Variants in IL4R observed in about 807,000 individuals in gnomAD.
IL4R encodes interleukin-4 receptor subunit alpha.
Under a neutral mutation model 41.5 loss-of-function variants are expected in IL4R, and 17 were observed. The ratio of observed to expected loss-of-function variants is 0.41; its 90% confidence interval spans 0.28 to 0.61. The LOEUF is 0.61. Among genes scored for constraint, IL4R ranks in the 20% least tolerant of loss-of-function variants. IL4R has a pLI of 0.31. For synonymous variants in IL4R, 402 were observed against 422.9 expected (o/e 0.95, Z 0.61); for missense variants, 974 against 1,043.1 (o/e 0.93, Z 0.91).
chr16:27,348,151 C>T (rs1158797546), intron 6 of IL4R, among the ~76,000 whole-genome samples: 5 of 152,182 alleles, frequency 3.3e-5, no homozygotes, highest in East Asian at 1.9e-4. Context: ...CCAGGGGTGT[C>T]GATTTATATC....
chr16:27,313,908 T>C (rs1235657227), upstream of IL4R: 2 of 984,040 alleles, frequency 2.0e-6, no homozygotes, highest in Non-Finnish European at 2.4e-6. Context: ...CGGGGCGGGC[T>C]GGGTCTCCGC....
intron 5 of IL4R, 80 bp from the exon 6 acceptor site, chr16:27,346,387 G>A: frequency 6.7e-7 from 1 of 1,482,854 alleles, no homozygotes; most frequent in Non-Finnish European, 9.3e-7. Context: ...GGTGGTGGCT[G>A]TGGTTTGTAG....
Position 27,352,644 on chromosome 16 carries a change from G to A in IL4R, c.618G>A (p.Gln206=). Residue 206 remains glutamine, a synonymous_variant, in exon 7 of 11, where the codon CAG becomes CAA. Transcript: ENST00000395762. ...SYRARVRAWA[Q]CYNTTWSEWS... is the part of the protein sequence containing the mutation. Reference sequence around the variant, plus strand: ...GGGCACGGGTGAGGGCCTGGGCTCAGTGCTATAACACCACCTGGAGTGAGT... The same window carrying A: ...GGGCACGGGTGAGGGCCTGGGCTCAATGCTATAACACCACCTGGAGTGAGT... The A allele has an allele frequency of 6.2e-7, 1 of 1,614,202 alleles. No homozygotes were observed. The highest frequency in any genetic ancestry group is 8.5e-7 in the Non-Finnish European group (1 of 1,180,032).
chr16:27,333,187 C>T (rs894030068), intron 2 of IL4R, among the ~76,000 whole-genome samples: 2 of 150,498 alleles, frequency 1.3e-5, no homozygotes, highest in African/African-American at 4.9e-5. Flanking sequence ...GTTAATATGA[C>T]CTCGGGTGAC....
At chr16:27,329,994 GGA>G (rs1297227264) in intron 1 of IL4R, 70 bp from the exon 2 acceptor site, 8 of 151,584 alleles carry the variant, frequency 5.3e-5, no homozygotes, top group Non-Finnish European at 1.5e-5. Flanking sequence ...GGATAGGAGG[GGA>G]ATGTTAGAGG....
chr16:27,324,123 T>C (rs1236247653), intron 1 of IL4R, among the ~76,000 whole-genome samples: 1 of 152,196 alleles, frequency 6.6e-6, no homozygotes, highest in African/African-American at 2.4e-5. Flanking sequence ...CAGTGACCTC[T>C]GCAGACCTCA....
intron 1 of IL4R, among the ~76,000 whole-genome samples, chr16:27,319,708 C>T (rs1443923197): frequency 6.6e-6 from 1 of 152,102 alleles, no homozygotes; most frequent in Non-Finnish European, 1.5e-5. Context: ...AGGTGAGTGG[C>T]GGGTGAGTGA....
At chr16:27,316,940 A>G (rs952306247) in intron 1 of IL4R, among the ~76,000 whole-genome samples, 5 of 143,580 alleles carry the variant, frequency 3.5e-5, no homozygotes, top group African/African-American at 7.8e-5. Context: ...GTCTCTCTCT[A>G]TTTCCCAGGC....
rs770780664 is a variant in IL4R at position 27,360,918 on chromosome 16, G to A, written c.899+103G>A. 69 of 1,606,730 alleles carry A rather than the reference G, an allele frequency of 4.3e-5. No individual in the cohort carries two copies. In the East Asian group the frequency reaches 4.5e-4, roughly 10 times the overall value. ...TGTCTGCCTTCTCTTCCCTGCATTC[G>A]GTAATTGCCCTGTGACATTAGCCTT... is the stretch of plus-strand genomic sequence containing the variant. On this transcript the variant is annotated intron_variant, in intron 10 of 10. Coordinates refer to ENST00000395762, the MANE Select transcript of IL4R (RefSeq NM_000418.4).
At chr16:27,334,045 G>A (rs1031259832) in intron 2 of IL4R, among the ~76,000 whole-genome samples, 15 of 151,994 alleles carry the variant, frequency 9.9e-5, no homozygotes, top group African/African-American at 2.7e-4. Context: ...ACCACGCCCA[G>A]CTAATTTTTT....
intron 2 of IL4R, among the ~76,000 whole-genome samples, chr16:27,336,762 G>A (rs537889933): frequency 1.2e-3 from 180 of 151,424 alleles, no homozygotes; most frequent in African/African-American, 4.2e-3. Context: ...ATGGAGGTGG[G>A]ACTGAGTTTG....
At chr16:27,321,179 G>A (rs1306168747) in intron 1 of IL4R, among the ~76,000 whole-genome samples, 1 of 151,938 alleles carries the variant, frequency 6.6e-6, no homozygotes, top group Non-Finnish European at 1.5e-5. Flanking sequence ...CCTGACCTAG[G>A]GTGATCCGCC....
At chr16:27,320,160 C>T (rs925017864) in intron 1 of IL4R, among the ~76,000 whole-genome samples, 3 of 152,172 alleles carry the variant, frequency 2.0e-5, no homozygotes, top group African/African-American at 4.8e-5. Flanking sequence ...AGCCACTGCA[C>T]GCGGCCCTGG....
chr16:27,328,748 A>G (rs2085032292), intron 1 of IL4R, among the ~76,000 whole-genome samples: 1 of 152,132 alleles, frequency 6.6e-6, no homozygotes, highest in Non-Finnish European at 1.5e-5. Flanking sequence ...GAGGTTACCT[A>G]TTATACTCCC....
At chr16:27,346,413 G>A in intron 5 of IL4R, 54 bp from the exon 6 acceptor site, 1 of 1,599,244 alleles carries the variant, frequency 6.3e-7, no homozygotes. Context: ...GGCTGGGCTG[G>A]GTGATGGGGG....
intron 10 of IL4R, among the ~76,000 whole-genome samples, chr16:27,361,369 C>T (rs1181145366): frequency 1.3e-5 from 2 of 151,998 alleles, no homozygotes; most frequent in Non-Finnish European, 2.9e-5. Flanking sequence ...ATCACTTGAA[C>T]CCGGGAGGCA....
At position 27,314,035 on chromosome 16, in the gene IL4R, C is replaced by T. The variant is rs1368394553; in HGVS notation, c.-152+15C>T. 3.0e-6 allele frequency: 3 copies of T among 984,778 alleles called. No homozygotes were observed. Among genetic ancestry groups the T allele is most frequent in the East Asian group, 1.1e-4 (1 of 8,772 alleles). The allele number at this position is 984,778 out of a possible 1,614,324, so 61.0% of individuals were successfully genotyped here. A position where few individuals can be genotyped will look rare whatever the true frequency, so the allele number is the denominator to read the frequency against. ...GGGGCGCGCAGGTAGGATCCGGGGC[C>T]CGCGCGCGGATCGGGTTGCGAAGGT... On this transcript the variant is annotated intron_variant, in intron 1 of 10. Transcript: ENST00000395762.
At chr16:27,325,762 G>T (rs78291973) in intron 1 of IL4R, among the ~76,000 whole-genome samples, 1 of 151,936 alleles carries the variant, frequency 6.6e-6, no homozygotes. Flanking sequence ...GCCCCTCCCC[G>T]AGAGAACTCT....
intron 4 of IL4R, among the ~76,000 whole-genome samples, chr16:27,342,930 T>C (rs2085490139): frequency 6.6e-6 from 1 of 152,122 alleles, no homozygotes; most frequent in African/African-American, 2.4e-5. Context: ...AAAAGGCAAA[T>C]AACGTCCCTG....
Sources: gnomAD v4.1 joint callset for allele counts (sites outside exome capture counted in the v4.1 genomes callset) on GRCh38, gnomAD v4.1.1 for gene constraint, MANE v1.5 for transcripts, NCBI Gene and HGNC (gene_info 2026-07-23, HGNC 2026-07-21) for gene names.